Variants in HTN3 observed in about 807,000 individuals in gnomAD.
The protein encoded by HTN3 is histatin-3.
In HTN3, 15 loss-of-function variants were observed where a neutral mutation model predicts 10.6. The ratio of observed to expected loss-of-function variants is 1.42; its 90% CI spans 0.95 to 2.18. HTN3 has a LOEUF of 2.18. Ranked by LOEUF, HTN3 falls within the 30% of genes most tolerant of loss-of-function variation. The pLI, the probability that HTN3 is intolerant of heterozygous loss-of-function variation, is 0.00. For missense variants in HTN3, 68 were observed against 58.0 expected, an observed-to-expected ratio of 1.17 and a Z score of -0.56; for synonymous variants, 15 against 16.9, an observed-to-expected ratio of 0.89 and a Z score of 0.27.
intron 2 of HTN3, chr4:70,031,374 T>A (rs1270621619): frequency 6.9e-6 from 1 of 143,956 alleles, no homozygotes; most frequent in Non-Finnish European, 1.4e-5. Context: ...TCTTTCTCCT[T>A]CTCTACTTTC....
intron 1 of HTN3, among the ~76,000 whole-genome samples, chr4:70,029,672 T>C (rs1204028547): frequency 6.6e-6 from 1 of 152,188 alleles, no homozygotes; most frequent in Non-Finnish European, 1.5e-5. Flanking sequence ...TACATGTTTG[T>C]AATTTAGAAA....
At chr4:70,030,961 T>A (rs1224854555) in intron 2 of HTN3, 170 bp downstream of exon 2, 2 of 560,556 alleles carry the variant, frequency 3.6e-6, no homozygotes, top group Non-Finnish European at 6.3e-6. Context: ...GGACTTAGAA[T>A]AAATATTCAT....
chr4:70,032,433 A>G (rs1217836354), intron 4 of HTN3, among the ~76,000 whole-genome samples: 2 of 152,200 alleles, frequency 1.3e-5, no homozygotes, highest in Non-Finnish European at 1.5e-5. Flanking sequence ...TCTATGAAGT[A>G]TAACATATGC....
chr4:70,035,106 G>A (rs1725483142), intron 5 of HTN3, among the ~76,000 whole-genome samples: 1 of 152,110 alleles, frequency 6.6e-6, no homozygotes, highest in Admixed American at 6.6e-5. Flanking sequence ...CATGGCACAT[G>A]TATACCTATG....
At chr4:70,031,294 A>G (rs529015955) in intron 2 of HTN3, 97 of 155,250 alleles carry the variant, frequency 6.2e-4, no homozygotes, top group Non-Finnish European at 9.5e-4. Flanking sequence ...GTTAAGTGTC[A>G]TGAGTTCCCA....
chr4:70,030,062 C>G (rs756836555), intron 1 of HTN3, among the ~76,000 whole-genome samples: 1 of 152,090 alleles, frequency 6.6e-6, no homozygotes, highest in African/African-American at 2.4e-5. Flanking sequence ...ATCTAAATCC[C>G]TTGTAATGTC....
At chr4:70,030,846 C>T in intron 2 of HTN3, 55 bp downstream of exon 2, 1 of 1,304,714 alleles carries the variant, frequency 7.7e-7, no homozygotes, top group Non-Finnish European at 1.1e-6. Context: ...TCCCAAGGAT[C>T]TTTCTTATTC....
intron 1 of HTN3, among the ~76,000 whole-genome samples, chr4:70,029,664 C>A (rs1019276102): frequency 1.3e-5 from 2 of 152,032 alleles, no homozygotes; most frequent in African/African-American, 4.8e-5. Flanking sequence ...CTTTTATTTA[C>A]ATGTTTGTAA....
Position 70,033,272 on chromosome 4 carries a change from CT to C in HTN3, c.*33+23del. On this transcript the variant is annotated intron_variant, in intron 5 of 5. Transcript: ENST00000673563. Reference sequence around the variant, plus strand: ...TATGGAGGTAAGCTGACTCTAGTTACTTTTCTTTCTAGAAGTATCAACACTG... The same window carrying C: ...TATGGAGGTAAGCTGACTCTAGTTACTTTCTTTCTAGAAGTATCAACACTG... 1.7e-6 allele frequency: 2 copies of C among 1,160,954 alleles called. No homozygotes were observed. The highest frequency in any genetic ancestry group is 1.4e-5 in the South Asian group (1 of 73,546). 71.9% of individuals were successfully genotyped at this position (1,160,954 alleles called of 1,614,324 possible).
intron 5 of HTN3, among the ~76,000 whole-genome samples, chr4:70,035,538 T>G (rs1313728989): frequency 2.0e-5 from 3 of 152,178 alleles, no homozygotes; most frequent in Non-Finnish European, 2.9e-5. Flanking sequence ...ATCTGGGAAC[T>G]CATGAGAAAT....
At chr4:70,032,021 G>A (rs772562109) in intron 3 of HTN3, 22 bp downstream of exon 3, 1 of 1,565,486 alleles carries the variant, frequency 6.4e-7, no homozygotes, top group African/African-American at 1.4e-5. Context: ...TCATTTACTG[G>A]AAAACTTGAT....
At chr4:70,032,168 C>T (rs1042386225) in intron 4 of HTN3, 61 bp downstream of exon 4, 3 of 1,040,504 alleles carry the variant, frequency 2.9e-6, no homozygotes, top group African/African-American at 3.2e-5. Flanking sequence ...TATTTATTCT[C>T]CTAGAATAAT....
At chr4:70,035,001 A>G (rs1331678360) in intron 5 of HTN3, among the ~76,000 whole-genome samples, 1 of 152,138 alleles carries the variant, frequency 6.6e-6, no homozygotes, top group Non-Finnish European at 1.5e-5. Flanking sequence ...GAACAATGAG[A>G]ACACATCAGG....
At chr4:70,031,945 T>C (rs368070858) in intron 2 of HTN3, 34 bp from the exon 3 acceptor site, 2 of 1,401,430 alleles carry the variant, frequency 1.4e-6, no homozygotes, top group South Asian at 2.5e-5. Context: ...GAAATTAAGA[T>C]ATTAATTATT....
intron 1 of HTN3, 138 bp downstream of exon 1, chr4:70,028,654 C>G (rs1324986646): frequency 6.6e-6 from 1 of 152,048 alleles, no homozygotes; most frequent in African/African-American, 2.4e-5. Context: ...TTATTGGCAT[C>G]TGAAGATGAC....
intron 2 of HTN3, 84 bp downstream of exon 2, chr4:70,030,875 T>C: frequency 9.5e-7 from 1 of 1,051,432 alleles, no homozygotes; most frequent in East Asian, 2.4e-5. Context: ...CTGCCATATA[T>C]TCATGTTCAC....
At position 70,028,532 on chromosome 4, in the gene HTN3, A is replaced by G. The variant is rs1358996570; in HGVS notation, c.-14+16A>G. On this transcript the variant is annotated intron_variant, in intron 1 of 5. Coordinates refer to ENST00000673563, the MANE Select transcript of HTN3 (RefSeq NM_000200.3). ...TGAGTAAAAGGTAACATGTTCAAGTACAATCTAATATTATATATTAGCATA... is the reference window on the plus strand; with the variant it reads ...TGAGTAAAAGGTAACATGTTCAAGTGCAATCTAATATTATATATTAGCATA... 2.0e-5 allele frequency: 3 copies of G among 152,306 alleles called. No homozygotes were observed. Among genetic ancestry groups the G allele is most frequent in the African/African-American group, 7.2e-5 (3 of 41,578 alleles). The allele number at this position is 152,306 out of a possible 1,614,324, so 9.4% of individuals were successfully genotyped here.
At chr4:70,035,190 C>T (rs969457387) in intron 5 of HTN3, among the ~76,000 whole-genome samples, 2 of 152,056 alleles carry the variant, frequency 1.3e-5, no homozygotes, top group Non-Finnish European at 2.9e-5. Flanking sequence ...AATAAAAATG[C>T]CTCTGAGGGA....
At chr4:70,028,559 G>A (rs1725297455) in intron 1 of HTN3, 43 bp downstream of exon 1, 1 of 151,956 alleles carries the variant, frequency 6.6e-6, no homozygotes, top group Non-Finnish European at 1.5e-5. Context: ...ATTAGCATAA[G>A]CTTTTGTTTG....
Sources: gnomAD v4.1 joint callset for allele counts (sites outside exome capture counted in the v4.1 genomes callset) on GRCh38, gnomAD v4.1.1 for gene constraint, MANE v1.5 for transcripts, NCBI Gene and HGNC (gene_info 2026-07-23, HGNC 2026-07-21) for gene names.